VEPH1: variants seen among roughly 807,000 people sequenced by gnomAD.
The protein encoded by VEPH1 is ventricular zone-expressed PH domain-containing protein homolog 1.
In VEPH1, 80 loss-of-function variants were observed where a neutral mutation model predicts 85.2. That is an observed-to-expected ratio of 0.94 (90% confidence interval 0.78 to 1.13). The LOEUF (loss-of-function observed/expected upper bound fraction) is 1.13, where lower values mean the gene tolerates loss of function less well. VEPH1 is among the 50% of genes most tolerant of loss of function. The pLI, the probability that VEPH1 is intolerant of heterozygous loss-of-function variation, is 0.00. For missense variants in VEPH1, 955 were observed against 980.5 expected (o/e 0.97, Z 0.35); for synonymous variants, 297 against 348.0 (o/e 0.85, Z 1.63).
At chr3:157,470,275 A>T (rs200908639) in intron 3 of VEPH1, 39 bp downstream of exon 3, 1 of 1,596,698 alleles carries the variant, frequency 6.3e-7, no homozygotes, top group Non-Finnish European at 8.6e-7. Context: ...TAGGCTGCCA[A>T]CTCAGTATCA....
intron 4 of VEPH1, among the ~76,000 whole-genome samples, chr3:157,448,110 TG>T (rs139021386): frequency 0.06 from 8,993 of 150,724 alleles, 425 homozygotes; most frequent in South Asian, 0.24. Context: ...TCATATTAAA[TG>T]GGGGGGGGAC....
At chr3:157,351,077 T>C (rs1724817224) in intron 9 of VEPH1, among the ~76,000 whole-genome samples, 2 of 152,142 alleles carry the variant, frequency 1.3e-5, no homozygotes, top group Admixed American at 6.5e-5. Flanking sequence ...CCCATGCTTA[T>C]TGCAGCACTA....
intron 3 of VEPH1, among the ~76,000 whole-genome samples, chr3:157,468,656 T>C (rs1030203321): frequency 1.3e-5 from 2 of 152,260 alleles, no homozygotes; most frequent in African/African-American, 2.4e-5. Context: ...ATTGATTGCA[T>C]GTTGAAGTGA....
chr3:157,282,900 G>T (rs993016978), intron 12 of VEPH1, among the ~76,000 whole-genome samples: 1 of 152,188 alleles, frequency 6.6e-6, no homozygotes, highest in South Asian at 2.1e-4. Flanking sequence ...CACCAGGCAA[G>T]TCTCTGAGGA....
chr3:157,392,871 A>G (rs1274765417), intron 6 of VEPH1, among the ~76,000 whole-genome samples: 1 of 152,166 alleles, frequency 6.6e-6, no homozygotes, highest in Admixed American at 6.5e-5. Flanking sequence ...ATCTCACCCT[A>G]TCCCCTTCTT....
At chr3:157,290,959 T>C (rs1165699159) in intron 11 of VEPH1, among the ~76,000 whole-genome samples, 1 of 152,212 alleles carries the variant, frequency 6.6e-6, no homozygotes, top group South Asian at 2.1e-4. Flanking sequence ...TAAAAGTGCA[T>C]AGTGGCCTCT....
intron 4 of VEPH1, chr3:157,437,889 G>T: frequency 6.6e-7 from 1 of 1,520,358 alleles, no homozygotes; most frequent in Admixed American, 2.0e-5. Context: ...TGCAGGGCTG[G>T]GCTGCCCGGA....
At chr3:157,471,277 A>C (rs1311123555) in intron 2 of VEPH1, among the ~76,000 whole-genome samples, 1 of 152,324 alleles carries the variant, frequency 6.6e-6, no homozygotes, top group East Asian at 1.9e-4. Context: ...TCGGCACTAC[A>C]GCAAACTCCA....
intron 9 of VEPH1, among the ~76,000 whole-genome samples, chr3:157,332,799 A>C (rs1350480324): frequency 1.3e-5 from 2 of 152,182 alleles, no homozygotes; most frequent in Non-Finnish European, 2.9e-5. Flanking sequence ...TCTGTGTTCA[A>C]CTTGTAAGGA....
chr3:157,447,583 C>T (rs1305928571), intron 4 of VEPH1, among the ~76,000 whole-genome samples: 1 of 149,704 alleles, frequency 6.7e-6, no homozygotes, highest in African/African-American at 2.5e-5. Flanking sequence ...GGATATGGTT[C>T]TGCTTCCAAT....
chr3:157,476,107 G>A (rs1737447917), intron 2 of VEPH1, among the ~76,000 whole-genome samples: 1 of 152,218 alleles, frequency 6.6e-6, no homozygotes, highest in Non-Finnish European at 1.5e-5. Flanking sequence ...GATCCAGTCA[G>A]CACATAAATG....
chr3:157,390,073 G>A (rs1729715336), intron 6 of VEPH1, among the ~76,000 whole-genome samples: 1 of 152,114 alleles, frequency 6.6e-6, no homozygotes, highest in African/African-American at 2.4e-5. Flanking sequence ...ACCCAACTCA[G>A]GTGTGCAGAT....
intron 4 of VEPH1, among the ~76,000 whole-genome samples, chr3:157,452,412 A>G (rs933470891): frequency 3.3e-5 from 5 of 152,348 alleles, no homozygotes; most frequent in East Asian, 1.9e-4. Flanking sequence ...TAGGCCCAAG[A>G]AAAGGGCCTT....
At chr3:157,437,854 C>CA (rs1229604585) in intron 4 of VEPH1, 3 of 1,497,816 alleles carry the variant, frequency 2.0e-6, no homozygotes, top group Admixed American at 4.5e-5. Context: ...GGAGCTGCGG[C>CA]AGACGCGAGC....
At chr3:157,415,054 T>G (rs1731800716) in intron 5 of VEPH1, 1 of 152,226 alleles carries the variant, frequency 6.6e-6, no homozygotes, top group African/African-American at 2.4e-5. Context: ...CTTCTGGCCC[T>G]AAGTGCCTCC....
chr3:157,465,109 C>T (rs931699114), intron 3 of VEPH1, among the ~76,000 whole-genome samples: 1 of 152,164 alleles, frequency 6.6e-6, no homozygotes, highest in African/African-American at 2.4e-5. Context: ...GCATTAGATA[C>T]TGAAGCCTAT....
chr3:157,295,134 C>A (rs1257644048), intron 11 of VEPH1, among the ~76,000 whole-genome samples: 1 of 152,204 alleles, frequency 6.6e-6, no homozygotes, highest in African/African-American at 2.4e-5. Flanking sequence ...AAGATGACAT[C>A]TGGTTCTCAT....
chr3:157,349,704 ATTAG>A (rs976588344), intron 9 of VEPH1, among the ~76,000 whole-genome samples: 17 of 152,160 alleles, frequency 1.1e-4, no homozygotes, highest in Non-Finnish European at 1.0e-4. Flanking sequence ...CAAAAAAATC[ATTAG>A]TGTTTCTATA....
intron 6 of VEPH1, among the ~76,000 whole-genome samples, chr3:157,401,154 C>T (rs933485913): frequency 6.6e-6 from 1 of 151,982 alleles, no homozygotes; most frequent in East Asian, 1.9e-4. Context: ...GTGCAATCTC[C>T]GAGTGAAAGA....
Sources: allele counts gnomAD v4.1 joint callset (sites outside exome capture counted in the v4.1 genomes callset), GRCh38; gene constraint gnomAD v4.1.1; transcripts MANE v1.5; gene names NCBI Gene and HGNC (gene_info 2026-07-23, HGNC 2026-07-21).